Variants in SLC30A8 observed in about 807,000 individuals in gnomAD.
SLC30A8 encodes proton-coupled zinc antiporter SLC30A8.
In SLC30A8, 27 loss-of-function variants were observed where a neutral mutation model predicts 36.9. The ratio of observed to expected loss-of-function variants is 0.73; its 90% CI spans 0.54 to 1.01. The LOEUF (loss-of-function observed/expected upper bound fraction) is 1.01, where lower values mean the gene tolerates loss of function less well. SLC30A8 is among the 50% of genes least tolerant of loss of function. SLC30A8 has a pLI of 0.00. For missense variants in SLC30A8, 439 were observed against 452.0 expected, an observed-to-expected ratio of 0.97 and a Z score of 0.26; for synonymous variants, 164 against 172.4, an observed-to-expected ratio of 0.95 and a Z score of 0.38.
chr8:116,999,487 G>C (rs1346535645), intron 1 of SLC30A8, among the ~76,000 whole-genome samples: 2 of 152,196 alleles, frequency 1.3e-5, no homozygotes, highest in Non-Finnish European at 2.9e-5. Context: ...GAGACATAAA[G>C]TCCCTGTCCA....
At chr8:116,981,225 G>A (rs1815247996) in intron 1 of SLC30A8, among the ~76,000 whole-genome samples, 1 of 152,182 alleles carries the variant, frequency 6.6e-6, no homozygotes, top group Non-Finnish European at 1.5e-5. Context: ...TGGTGACTTT[G>A]TGGTAGCTGC....
At chr8:116,970,100 TTA>T (rs1343086172) in intron 1 of SLC30A8, among the ~76,000 whole-genome samples, 2 of 152,072 alleles carry the variant, frequency 1.3e-5, no homozygotes, top group Non-Finnish European at 2.9e-5. Context: ...AATATTTTCT[TTA>T]TATTCTTATT....
At chr8:116,988,309 C>T (rs1290875007) in intron 1 of SLC30A8, among the ~76,000 whole-genome samples, 1 of 152,178 alleles carries the variant, frequency 6.6e-6, no homozygotes, top group Non-Finnish European at 1.5e-5. Flanking sequence ...TGTTATATTG[C>T]GTACTGCATA....
intron 2 of SLC30A8, among the ~76,000 whole-genome samples, chr8:117,119,705 G>A (rs1820607624): frequency 6.6e-6 from 1 of 151,908 alleles, no homozygotes; most frequent in African/African-American, 2.4e-5. Flanking sequence ...TTTGGGAGAT[G>A]GTAGAAGCTA....
At chr8:116,962,514 C>T (rs1049960423) in intron 1 of SLC30A8, among the ~76,000 whole-genome samples, 1 of 152,050 alleles carries the variant, frequency 6.6e-6, no homozygotes, top group Non-Finnish European at 1.5e-5. Flanking sequence ...TACTGATGCT[C>T]ACTCTAGTCA....
At chr8:117,132,008 A>G (rs765425001), upstream of SLC30A8, among the ~76,000 whole-genome samples, 7 of 151,776 alleles carry the variant, frequency 4.6e-5, no homozygotes, top group Non-Finnish European at 1.0e-4. Context: ...TCACCACACT[A>G]CCTCTCCACA....
At chr8:117,053,616 C>T (rs1393849424) in intron 2 of SLC30A8, among the ~76,000 whole-genome samples, 2 of 152,112 alleles carry the variant, frequency 1.3e-5, no homozygotes, top group Non-Finnish European at 2.9e-5. Flanking sequence ...GACAGTGAGG[C>T]TCTGACAAGC....
chr8:117,175,571 C>CTAT lies in SLC30A8; in HGVS notation c.*2892_*2894dup, dbSNP rs1554594901. The CTAT allele has an allele frequency of 6.6e-6, 1 of 152,116 alleles. No individual in the cohort carries two copies. The highest frequency in any genetic ancestry group is 1.5e-5 in the Non-Finnish European group (1 of 68,026). The allele number at this position is 152,116 out of a possible 1,614,324, so 9.4% of individuals were successfully genotyped here. On this transcript the variant is annotated 3_prime_UTR_variant, in exon 8 of 8. Transcript: ENST00000456015. ...CTAGTTACTTAAATGCTCTGATCCT[C>CTAT]TATTTCCTGATCAGTGAAACCTCCC...
At chr8:117,115,940 C>T (rs1317729522) in intron 2 of SLC30A8, among the ~76,000 whole-genome samples, 2 of 152,038 alleles carry the variant, frequency 1.3e-5, no homozygotes, top group Non-Finnish European at 2.9e-5. Context: ...ATTTGCAGAG[C>T]AAGCACATTG....
At chr8:116,960,036 C>G (rs1471468748) in intron 1 of SLC30A8, among the ~76,000 whole-genome samples, 1 of 152,242 alleles carries the variant, frequency 6.6e-6, no homozygotes, top group Non-Finnish European at 1.5e-5. Flanking sequence ...CCTCGAACTT[C>G]TTAAGGCAGT....
upstream of SLC30A8, chr8:116,950,231 C>T (rs1813943928): frequency 6.2e-6 from 1 of 161,754 alleles, no homozygotes; most frequent in Non-Finnish European, 1.3e-5. Flanking sequence ...CCAGAGCGGA[C>T]GCCGAGGCCG....
intron 1 of SLC30A8, among the ~76,000 whole-genome samples, chr8:117,003,474 T>C (rs1816080117): frequency 6.6e-6 from 1 of 152,212 alleles, no homozygotes; most frequent in Admixed American, 6.5e-5. Context: ...TGGTAAGATA[T>C]TGATACCTAT....
At chr8:117,044,322 G>A (rs181876575) in intron 2 of SLC30A8, among the ~76,000 whole-genome samples, 1 of 152,342 alleles carries the variant, frequency 6.6e-6, no homozygotes, top group Admixed American at 6.5e-5. Flanking sequence ...AAATGACTGA[G>A]TACACATTGG....
intron 2 of SLC30A8, among the ~76,000 whole-genome samples, chr8:117,045,358 TATG>T (rs1226904305): frequency 1.3e-5 from 2 of 152,238 alleles, no homozygotes; most frequent in African/African-American, 4.8e-5. Context: ...AAAGGTTTTT[TATG>T]ATCCAACAAA....
At chr8:117,146,268 G>T (rs1407007538) in intron 1 of SLC30A8, among the ~76,000 whole-genome samples, 1 of 151,970 alleles carries the variant, frequency 6.6e-6, no homozygotes, top group Non-Finnish European at 1.5e-5. Flanking sequence ...AATAAAAATT[G>T]TTTTAAAAAA....
chr8:116,971,590 A>AT lies in SLC30A8; in HGVS notation c.-266+20483dup, dbSNP rs778149961. 7.3e-3 allele frequency among the ~76,000 whole-genome samples: 1,072 copies of AT among 147,212 alleles called. 8 individuals carry two copies. Among genetic ancestry groups the AT allele is most frequent in the Middle Eastern group, 0.021 (6 of 286 alleles). On this transcript the variant is annotated intron_variant, in intron 1 of 10. Coordinates refer to the SLC30A8 transcript ENST00000427715. The stretch of plus-strand genomic sequence containing the variant: ...ATTTTCAACAGCTTTTAGAGGAAAC[A>AT]TTTTTTTTTTTTCCAGAATCTTTTC...
intron 2 of SLC30A8, among the ~76,000 whole-genome samples, chr8:117,051,547 T>C (rs551308492): frequency 7.0e-4 from 106 of 151,986 alleles, no homozygotes; most frequent in African/African-American, 2.4e-3. Flanking sequence ...GGCGTGGTGG[T>C]TCACACCTGT....
At chr8:117,077,211 T>G (rs1818517166) in intron 2 of SLC30A8, among the ~76,000 whole-genome samples, 1 of 152,166 alleles carries the variant, frequency 6.6e-6, no homozygotes, top group Non-Finnish European at 1.5e-5. Context: ...AGGTGATGCC[T>G]CAGAATCCCC....
intron 1 of SLC30A8, among the ~76,000 whole-genome samples, chr8:117,012,879 G>C (rs985676259): frequency 5.9e-5 from 9 of 151,888 alleles, no homozygotes; most frequent in African/African-American, 2.2e-4. Context: ...TCAGTAAACA[G>C]TGTTTTAATT....
Sources: gnomAD v4.1 joint callset for allele counts (sites outside exome capture counted in the v4.1 genomes callset) on GRCh38, gnomAD v4.1.1 for gene constraint, MANE v1.5 for transcripts, NCBI Gene and HGNC (gene_info 2026-07-23, HGNC 2026-07-21) for gene names.